TMPRSS2: variants seen among roughly 807,000 people sequenced by gnomAD.
TMPRSS2 encodes transmembrane serine protease 2, also known as transmembrane protease serine 2.
A neutral mutation model predicts 67.4 loss-of-function variants in TMPRSS2; 59 were observed. That is an observed-to-expected ratio of 0.88 (90% confidence interval 0.71 to 1.09). The LOEUF (loss-of-function observed/expected upper bound fraction) is 1.09, where lower values mean the gene tolerates loss of function less well. Among genes scored for constraint, TMPRSS2 ranks in the 50% least tolerant of loss-of-function variants. The pLI is 0.00. For missense variants in TMPRSS2, 668 were observed against 642.7 expected (o/e 1.04, Z -0.43); for synonymous variants, 257 against 257.0 (o/e 1.00, Z 0.00).
At chr21:41,477,405 A>G (rs1229675407) in intron 7 of TMPRSS2, among the ~76,000 whole-genome samples, 3 of 152,154 alleles carry the variant, frequency 2.0e-5, no homozygotes, top group Non-Finnish European at 4.4e-5. Context: ...GGCTAACTTG[A>G]GCGACGGACG....
At chr21:41,470,790 T>TCGGGCTAC in intron 10 of TMPRSS2, 47 bp from the exon 11 acceptor site, 1 of 679,758 alleles carries the variant, frequency 1.5e-6, no homozygotes. Flanking sequence ...GTATCACCTA[T>TCGGGCTAC]GTCTCCACCT....
intron 3 of TMPRSS2, among the ~76,000 whole-genome samples, chr21:41,493,936 A>G (rs2146481631): frequency 6.6e-6 from 1 of 152,398 alleles, no homozygotes; most frequent in African/African-American, 2.4e-5. Context: ...AACAGAGAGC[A>G]TCTTAAACAT....
rs141301979 is a variant in TMPRSS2 at position 41,472,113 on chromosome 21, T to G, written c.900-132A>C. 3 of 856,526 alleles carry G rather than the reference T, an allele frequency of 3.5e-6. No homozygotes were observed. The Admixed American group carries it at 8.6e-5, about 25-fold the overall frequency. The allele number at this position is 856,526 out of a possible 1,614,324, so 53.1% of individuals were successfully genotyped here. A position where few individuals can be genotyped will look rare whatever the true frequency, so the allele number is the denominator to read the frequency against. ...GTTCACCAAAAACCACACAGGGAGA[T>G]AGTGGAAGAGGTGCTCGGTCTCCCC... is the stretch of plus-strand genomic sequence containing the variant. On this transcript the variant is annotated intron_variant, in intron 9 of 13. Coordinates refer to ENST00000332149, the MANE Select transcript of TMPRSS2 (RefSeq NM_005656.4).
At chr21:41,502,091 G>A (rs1430014222) in intron 1 of TMPRSS2, among the ~76,000 whole-genome samples, 1 of 152,152 alleles carries the variant, frequency 6.6e-6, no homozygotes, top group African/African-American at 2.4e-5. Context: ...GCACTGTTTT[G>A]GTCCATCCTG....
Position 41,497,929 on chromosome 21 carries a change from G to A in TMPRSS2, c.15+190C>T, listed in dbSNP as rs770658197. On this transcript the variant is annotated intron_variant, in intron 2 of 13. Transcript: ENST00000332149. ...TGTACCCAACAGCCATGGCTCTTGC[G>A]ACTCACCTGGGCAGCTGTGTGGCTG... Among the ~76,000 whole-genome samples, 6 of 152,202 alleles carry A rather than the reference G, an allele frequency of 3.9e-5. No individual in the cohort carries two copies. The East Asian group carries it at 9.6e-4, about 24-fold the overall frequency.
At chr21:41,492,237 C>T (rs1303779305) in intron 3 of TMPRSS2, among the ~76,000 whole-genome samples, 1 of 152,060 alleles carries the variant, frequency 6.6e-6, no homozygotes, top group Non-Finnish European at 1.5e-5. Context: ...CCCACGCACA[C>T]AAAACCCACT....
chr21:41,468,638 G>A, intron 11 of TMPRSS2, 100 bp from the exon 12 acceptor site: 7 of 1,388,978 alleles, frequency 5.0e-6, no homozygotes, highest in Non-Finnish European at 6.9e-6. Context: ...CTACACAGAT[G>A]GTCACAGCCC....
intron 1 of TMPRSS2, among the ~76,000 whole-genome samples, chr21:41,501,118 C>A (rs1206585821): frequency 1.3e-5 from 2 of 152,184 alleles, no homozygotes; most frequent in Non-Finnish European, 2.9e-5. Context: ...CGATCCCTAA[C>A]AAGGAAGCCA....
At chr21:41,476,474 C>T in intron 8 of TMPRSS2, 103 bp downstream of exon 8, 2 of 1,218,568 alleles carry the variant, frequency 1.6e-6, no homozygotes. Flanking sequence ...GTGACCCCAC[C>T]TTCTTCCCTC....
chr21:41,488,434 G>A lies in TMPRSS2; in HGVS notation c.405C>T (p.Gly135=), dbSNP rs752039341. ...TCINPSNWCD[G]VSHCPGGEDE... Reference sequence around the variant, plus strand: ...CCTCCCCGCCGGGGCAGTGTGACACGCCATCACACCAGTTAGAGGGGTTGA... The same window carrying A: ...CCTCCCCGCCGGGGCAGTGTGACACACCATCACACCAGTTAGAGGGGTTGA... The change falls in exon 5 of 14, where the codon GGC becomes GGT. Residue 135 remains glycine (G), a synonymous_variant. Transcript: ENST00000332149. 168 of 1,613,508 alleles carry A rather than the reference G, an allele frequency of 1.0e-4. No homozygotes were observed. The highest frequency in any genetic ancestry group is 1.2e-4 in the Non-Finnish European group (146 of 1,179,752).
Position 41,488,787 on chromosome 21 carries a change from G to A in TMPRSS2, c.326-274C>T, listed in dbSNP as rs536525396. Among the ~76,000 whole-genome samples, 295 of 152,232 alleles carry A rather than the reference G, an allele frequency of 1.9e-3. 1 individual carries two copies. Among genetic ancestry groups the A allele is most frequent in the African/African-American group, 6.5e-3 (271 of 41,546 alleles). On this transcript the variant is annotated intron_variant, in intron 4 of 13. Coordinates refer to ENST00000332149, the MANE Select transcript of TMPRSS2 (RefSeq NM_005656.4). Reference sequence around the variant, plus strand: ...TAAGTAGCTGGGATTACAGGTGCACGCCACCACGCCTGACTAATTTTTGTA... The same window carrying A: ...TAAGTAGCTGGGATTACAGGTGCACACCACCACGCCTGACTAATTTTTGTA...
At chr21:41,470,618 G>A in intron 11 of TMPRSS2, 30 bp downstream of exon 11, 2 of 1,600,602 alleles carry the variant, frequency 1.2e-6, no homozygotes, top group Middle Eastern at 1.7e-4. Flanking sequence ...TGTGGGCCCT[G>A]CAGTCCTGTG....
chr21:41,472,915 C>A (rs770234536), intron 9 of TMPRSS2, among the ~76,000 whole-genome samples: 1 of 152,182 alleles, frequency 6.6e-6, no homozygotes, highest in Non-Finnish European at 1.5e-5. Context: ...TGGCCAAGAA[C>A]GCTTAACCCC....
rs546335233 is a variant in TMPRSS2, at chr21:41,473,402, G to A, written c.822C>T (p.His274=). The change falls in exon 9 of 14, where the codon CAC becomes CAT. Residue 274 remains histidine, a synonymous_variant. Coordinates refer to ENST00000332149, the MANE Select transcript of TMPRSS2 (RefSeq NM_005656.4). ...PGAWPWQVSL[H]VQNVHVCGGS... is the part of the protein sequence containing the mutation. The stretch of plus-strand genomic sequence containing the variant: ...CTCCGCACACGTGGACGTTCTGGAC[G>A]TGCAGGCTGACCTGCCAGGGCCAGG... 57 of 1,610,202 alleles carry A rather than the reference G, an allele frequency of 3.5e-5. No homozygotes were observed. The South Asian group carries it at 3.6e-4, about 10-fold the overall frequency.
intron 10 of TMPRSS2, among the ~76,000 whole-genome samples, chr21:41,470,986 C>T (rs1569010080): frequency 6.6e-6 from 1 of 152,232 alleles, no homozygotes; most frequent in Non-Finnish European, 1.5e-5. Flanking sequence ...GAATTATTTG[C>T]TAGCTCTGCT....
rs758764678 is a variant in TMPRSS2, at chr21:41,480,608, C to T, written c.446-6G>A. 6 of 1,613,450 alleles carry T rather than the reference C, an allele frequency of 3.7e-6. No homozygotes were observed. Among genetic ancestry groups the T allele is most frequent in the Admixed American group, 1.7e-5 (1 of 59,996 alleles). ...GTTTGGTCCGTAGAGGCGAACTGCA[C>T]GAGAGGGAGGATTATCCATGAGTTT... On this transcript the variant is annotated splice_region_variant and splice_polypyrimidine_tract_variant and intron_variant, in intron 5 of 13. Coordinates refer to ENST00000332149, the MANE Select transcript of TMPRSS2 (RefSeq NM_005656.4).
intron 1 of TMPRSS2, among the ~76,000 whole-genome samples, chr21:41,506,252 TGG>T (rs1229566646): frequency 1.3e-5 from 2 of 152,180 alleles, no homozygotes; most frequent in Non-Finnish European, 2.9e-5. Context: ...GGGAAGCTGC[TGG>T]GGACCAAACA....
rs1396438001 is a variant in TMPRSS2, at chr21:41,465,735, G to A, written c.*407C>T. 4.1e-5 allele frequency: 11 copies of A among 269,906 alleles called. No homozygotes were observed. The highest frequency in any genetic ancestry group is 5.6e-5 in the Non-Finnish European group (8 of 142,774). 16.7% of individuals were successfully genotyped at this position (269,906 alleles called of 1,614,324 possible). ...TGGCCCCAGAGGGCAGCCGCTGCAG[G>A]TGCCACCTGGCTGTCTCCCTTTCCA... On this transcript the variant is annotated 3_prime_UTR_variant, in exon 14 of 14. Coordinates refer to ENST00000332149, the MANE Select transcript of TMPRSS2 (RefSeq NM_005656.4).
chr21:41,505,215 A>C (rs958838120), intron 1 of TMPRSS2, among the ~76,000 whole-genome samples: 1 of 152,048 alleles, frequency 6.6e-6, no homozygotes, highest in African/African-American at 2.4e-5. Context: ...CAAACCCAGA[A>C]TTTTCAAGAG....
Sources: allele counts gnomAD v4.1 joint callset (sites outside exome capture counted in the v4.1 genomes callset), GRCh38; gene constraint gnomAD v4.1.1; transcripts MANE v1.5; gene names NCBI Gene and HGNC (gene_info 2026-07-23, HGNC 2026-07-21).